Variants in CDCA2 observed in about 807,000 individuals in gnomAD.
The protein encoded by CDCA2 is cell division cycle-associated protein 2.
In CDCA2, 44 loss-of-function variants were observed where a neutral mutation model predicts 67.0. The ratio of observed to expected loss-of-function variants is 0.66; its 90% CI spans 0.52 to 0.84. The LOEUF (loss-of-function observed/expected upper bound fraction) is 0.84, where lower values mean the gene tolerates loss of function less well. CDCA2 is among the 40% of genes least tolerant of loss of function. The pLI is 0.00. For synonymous variants in CDCA2, 447 were observed against 418.7 expected (o/e 1.07, Z -0.82); for missense variants, 1,253 against 1,203.2 (o/e 1.04, Z -0.61).
chr8:25,464,348 C>T (rs754571482), intron 4 of CDCA2, among the ~76,000 whole-genome samples: 7 of 152,158 alleles, frequency 4.6e-5, no homozygotes, highest in African/African-American at 9.7e-5. Flanking sequence ...CCCAAGATAT[C>T]GAGGCTGCAG....
At chr8:25,478,910 A>T (rs946250065) in intron 7 of CDCA2, among the ~76,000 whole-genome samples, 1 of 149,248 alleles carries the variant, frequency 6.7e-6, no homozygotes, top group African/African-American at 2.5e-5. Context: ...ATATATATAT[A>T]TATTAACTTT....
rs750818023 is a variant in CDCA2, at chr8:25,488,536, T to C, written c.1534-16T>C. The C allele has an allele frequency of 6.3e-7, 1 of 1,592,026 alleles. No homozygotes were observed. The highest frequency in any genetic ancestry group is 8.5e-7 in the Non-Finnish European group (1 of 1,171,686). ...GCTTGTGCTTTACGGTATCCTACTT[T>C]ACACTTTCTTTATAGCAATTGGTCA... On this transcript the variant is annotated splice_polypyrimidine_tract_variant and intron_variant, in intron 12 of 14. Transcript: ENST00000330560.
Position 25,507,318 on chromosome 8 carries a change from A to T in CDCA2, c.2652A>T (p.Arg884Ser), listed in dbSNP as rs3829009. Residue 884 changes from arginine (R) to serine (S), a missense_variant, in exon 15 of 15, where the codon AGA becomes AGT. By Grantham distance (110) the Arg-to-Ser change is moderately radical (BLOSUM62 -1). Coordinates refer to ENST00000330560, the MANE Select transcript of CDCA2 (RefSeq NM_152562.4). The part of the protein sequence containing the change: ...SDAIEQTFQR[R>S]NSETKVRRST... ...CCATTGAGCAAACCTTTCAGAGGAG[A>T]AATAGTGAAACCAAAGTGCGACGTA... 322,990 of 1,613,846 alleles carry T rather than the reference A, an allele frequency of 0.2. 32,906 individuals are homozygous for T. The highest frequency in any genetic ancestry group is 0.23 in the Middle Eastern group (1,403 of 6,062).
chr8:25,497,002 G>GA (rs893580809), intron 13 of CDCA2, among the ~76,000 whole-genome samples: 1 of 151,856 alleles, frequency 6.6e-6, no homozygotes, highest in Non-Finnish European at 1.5e-5. Context: ...ATATTATTTA[G>GA]AAAAAAAACT....
chr8:25,476,099 T>C (rs979049540), intron 7 of CDCA2, among the ~76,000 whole-genome samples: 3 of 152,212 alleles, frequency 2.0e-5, no homozygotes, highest in Non-Finnish European at 4.4e-5. Context: ...TTCTCCATTC[T>C]GGGGTCCAAG....
chr8:25,485,643 C>T, intron 10 of CDCA2, 116 bp from the exon 11 acceptor site: 3 of 509,720 alleles, frequency 5.9e-6, no homozygotes, highest in Middle Eastern at 3.7e-4. Flanking sequence ...ATTGATTACC[C>T]ATCTTTATGC....
rs1174212617 is a variant in CDCA2, at chr8:25,463,359, G to A, written c.387+1151G>A. 2.0e-5 allele frequency among the ~76,000 whole-genome samples: 3 copies of A among 152,230 alleles called. No individual in the cohort carries two copies. The East Asian group carries it at 5.8e-4, about 29-fold the overall frequency. On this transcript the variant is annotated intron_variant, in intron 4 of 14. Coordinates refer to ENST00000330560, the MANE Select transcript of CDCA2 (RefSeq NM_152562.4). ...ATACAATGGTGGTCTCATAATAATG[G>A]AGCCGAAAAATTTCTAAGGCCTGGT...
At chr8:25,463,478 A>G (rs1353633937) in intron 4 of CDCA2, among the ~76,000 whole-genome samples, 1 of 152,208 alleles carries the variant, frequency 6.6e-6, no homozygotes, top group East Asian at 1.9e-4. Flanking sequence ...CACTTGTATT[A>G]AAATCTAGCA....
chr8:25,471,518 A>G (rs1477176727), intron 7 of CDCA2, among the ~76,000 whole-genome samples: 1 of 152,046 alleles, frequency 6.6e-6, no homozygotes. Flanking sequence ...CCTGCCACCA[A>G]GCCCAGCTGA....
At chr8:25,484,343 T>A (rs985317485) in intron 10 of CDCA2, 133 bp downstream of exon 10, 1 of 1,255,534 alleles carries the variant, frequency 8.0e-7, no homozygotes. Context: ...AATTAATCTA[T>A]TTTGTATGTA....
At chr8:25,485,501 C>G (rs1036179066) in intron 10 of CDCA2, among the ~76,000 whole-genome samples, 5 of 152,034 alleles carry the variant, frequency 3.3e-5, no homozygotes, top group Non-Finnish European at 7.4e-5. Context: ...TGTGTACTTT[C>G]GCTTATAAAT....
chr8:25,482,439 G>C (rs117489029), intron 8 of CDCA2, among the ~76,000 whole-genome samples: 1 of 152,004 alleles, frequency 6.6e-6, no homozygotes, highest in Non-Finnish European at 1.5e-5. Flanking sequence ...AAATCTGTTG[G>C]TTCTGCATCC....
At chr8:25,486,713 G>A (rs1028746842) in intron 11 of CDCA2, among the ~76,000 whole-genome samples, 1 of 152,094 alleles carries the variant, frequency 6.6e-6, no homozygotes, top group East Asian at 1.9e-4. Flanking sequence ...TACTCAGGAG[G>A]CTGAGGCAGA....
intron 8 of CDCA2, 102 bp from the exon 9 acceptor site, chr8:25,483,297 A>G: frequency 1.7e-6 from 1 of 596,862 alleles, no homozygotes; most frequent in Admixed American, 3.1e-5. Flanking sequence ...ATACTGGAAT[A>G]TCTATCTGCA....
At chr8:25,466,857 A>C (rs1444121466) in intron 5 of CDCA2, among the ~76,000 whole-genome samples, 1 of 151,880 alleles carries the variant, frequency 6.6e-6, no homozygotes, top group African/African-American at 2.4e-5. Flanking sequence ...AGCCTGGCCA[A>C]CATGGTGAAA....
At chr8:25,458,987 C>G (rs1159936665), upstream of CDCA2, 2 of 152,284 alleles carry the variant, frequency 1.3e-5, no homozygotes, top group East Asian at 3.9e-4. Flanking sequence ...GCGAGACTCT[C>G]CTGAAAAGTA....
chr8:25,464,279 G>C (rs999662599), intron 4 of CDCA2, among the ~76,000 whole-genome samples: 5 of 152,166 alleles, frequency 3.3e-5, no homozygotes, highest in African/African-American at 1.2e-4. Flanking sequence ...ATCTGGGTGT[G>C]GTGGCACATG....
intron 8 of CDCA2, 60 bp downstream of exon 8, chr8:25,480,184 A>G (rs1803514536): frequency 2.3e-6 from 3 of 1,317,968 alleles, no homozygotes; most frequent in Non-Finnish European, 3.2e-6. Flanking sequence ...GCTTCAAAGT[A>G]ATACCCTTGA....
chr8:25,462,223 T>G lies in CDCA2; in HGVS notation c.387+15T>G, dbSNP rs745366533. 6.2e-7 allele frequency: 1 copy of G among 1,612,786 alleles called. No individual in the cohort carries two copies. Among genetic ancestry groups the G allele is most frequent in the Non-Finnish European group, 8.5e-7 (1 of 1,178,948 alleles). On this transcript the variant is annotated intron_variant, in intron 4 of 14. Transcript: ENST00000330560. Reference sequence around the variant, plus strand: ...CTCCTTCCCAGGTATGATTTTCTTCTAAGTTCTGTCGTGAATTCCGTTAAT... The same window carrying G: ...CTCCTTCCCAGGTATGATTTTCTTCGAAGTTCTGTCGTGAATTCCGTTAAT...
Sources: gnomAD v4.1 joint callset for allele counts (sites outside exome capture counted in the v4.1 genomes callset) on GRCh38, gnomAD v4.1.1 for gene constraint, MANE v1.5 for transcripts, NCBI Gene and HGNC (gene_info 2026-07-23, HGNC 2026-07-21) for gene names.